The following PTPRD variants were observed in gnomAD, a reference collection of about 807,000 sequenced individuals.
PTPRD encodes the protein protein tyrosine phosphatase receptor type D, also known as receptor-type tyrosine-protein phosphatase delta.
Under a neutral mutation model 214.5 loss-of-function variants are expected in PTPRD, and 34 were observed. That is an observed-to-expected ratio of 0.16 (90% confidence interval 0.12 to 0.21). The LOEUF (loss-of-function observed/expected upper bound fraction) is 0.21. Among genes scored for constraint, PTPRD ranks in the 10% least tolerant of loss-of-function variants. The pLI is 1.00. For missense variants in PTPRD, 2,545 were observed against 2,398.7 expected (o/e 1.06, Z -1.27); for synonymous variants, 1,128 against 845.7 (o/e 1.33, Z -5.79).
chr9:10,388,913 T>C (rs992277809), intron 2 of PTPRD, among the ~76,000 whole-genome samples: 3 of 151,748 alleles, frequency 2.0e-5, no homozygotes, highest in Admixed American at 1.3e-4. Context: ...GTATTATCCA[T>C]AGGAAAAAAG....
chr9:9,671,495 G>A lies in PTPRD; in HGVS notation c.-287+63038C>T, dbSNP rs1025406700. 4.6e-5 allele frequency among the ~76,000 whole-genome samples: 7 copies of A among 152,092 alleles called. 1 individual carries two copies. The highest frequency in any genetic ancestry group is 4.6e-4 in the Admixed American group (7 of 15,258). ...AGGCATAATTGGTTTTGAAATGTGAGGACTGAGATTTGGAGGGGCCAGGGG... is the reference window on the plus strand; with the variant it reads ...AGGCATAATTGGTTTTGAAATGTGAAGACTGAGATTTGGAGGGGCCAGGGG... On this transcript the variant is annotated intron_variant, in intron 7 of 45. Coordinates refer to ENST00000381196, the MANE Select transcript of PTPRD (RefSeq NM_002839.4).
chr9:9,846,486 G>A (rs2059555956), intron 5 of PTPRD, among the ~76,000 whole-genome samples: 2 of 152,104 alleles, frequency 1.3e-5, no homozygotes, highest in African/African-American at 2.4e-5. Flanking sequence ...TGTAAATCAA[G>A]TTATTATAAA....
chr9:8,494,529 A>G (rs1167410311), intron 26 of PTPRD, among the ~76,000 whole-genome samples: 1 of 152,214 alleles, frequency 6.6e-6, no homozygotes, highest in Non-Finnish European at 1.5e-5. Context: ...TGCCAACATT[A>G]TGGTTTCCAA....
At chr9:10,156,329 G>A (rs1344323667) in intron 3 of PTPRD, among the ~76,000 whole-genome samples, 1 of 152,072 alleles carries the variant, frequency 6.6e-6, no homozygotes, top group Admixed American at 6.6e-5. Flanking sequence ...ATTCTGGTGT[G>A]TTGTATCTTT....
chr9:9,517,043 TATC>T, intron 8 of PTPRD, among the ~76,000 whole-genome samples: 1 of 152,088 alleles, frequency 6.6e-6, no homozygotes, highest in African/African-American at 2.4e-5. Flanking sequence ...AATGAAACCA[TATC>T]AAATGAGGAG....
chr9:9,307,039 T>G (rs1215994599), intron 9 of PTPRD, among the ~76,000 whole-genome samples: 1 of 152,190 alleles, frequency 6.6e-6, no homozygotes, highest in Non-Finnish European at 1.5e-5. Context: ...GTTCAGCAAT[T>G]ACATGTGAAT....
At chr9:10,253,824 C>T (rs1318748015) in intron 3 of PTPRD, among the ~76,000 whole-genome samples, 3 of 152,172 alleles carry the variant, frequency 2.0e-5, no homozygotes, top group African/African-American at 7.2e-5. Context: ...TGCTTTTATT[C>T]ATTGGCTATA....
intron 11 of PTPRD, among the ~76,000 whole-genome samples, chr9:8,844,434 T>C (rs1397258341): frequency 6.6e-6 from 1 of 152,134 alleles, no homozygotes; most frequent in Non-Finnish European, 1.5e-5. Context: ...ATATTTTTTA[T>C]TTAATATGAA....
At chr9:9,836,503 G>A (rs938649443) in intron 5 of PTPRD, among the ~76,000 whole-genome samples, 26 of 152,050 alleles carry the variant, frequency 1.7e-4, no homozygotes, top group African/African-American at 5.8e-4. Context: ...ACTGATAAAT[G>A]CCAAATTTGC....
intron 8 of PTPRD, among the ~76,000 whole-genome samples, chr9:9,427,959 T>C (rs1345901649): frequency 6.6e-6 from 1 of 152,104 alleles, no homozygotes; most frequent in African/African-American, 2.4e-5. Context: ...TGCAAAGACA[T>C]GCCGAATTGT....
chr9:10,052,415 A>G (rs2097550404), intron 3 of PTPRD, among the ~76,000 whole-genome samples: 1 of 152,150 alleles, frequency 6.6e-6, no homozygotes, highest in South Asian at 2.1e-4. Context: ...GTCATTCCCC[A>G]CCTTCAAATC....
At chr9:8,562,493 G>A (rs995665653) in intron 14 of PTPRD, among the ~76,000 whole-genome samples, 2 of 151,938 alleles carry the variant, frequency 1.3e-5, no homozygotes, top group Non-Finnish European at 2.9e-5. Context: ...CTGGTGTGCA[G>A]TGGTGCAATC....
At chr9:10,003,269 G>A (rs2096379326) in intron 4 of PTPRD, among the ~76,000 whole-genome samples, 1 of 151,652 alleles carries the variant, frequency 6.6e-6, no homozygotes, top group African/African-American at 2.4e-5. Flanking sequence ...TGAGGAATGA[G>A]GAAGTGAGAT....
At chr9:9,676,009 T>TA (rs1022048874) in intron 7 of PTPRD, among the ~76,000 whole-genome samples, 7 of 152,064 alleles carry the variant, frequency 4.6e-5, no homozygotes, top group African/African-American at 1.4e-4. Flanking sequence ...TCTGTAGCAC[T>TA]AAAAAAATAC....
chr9:10,360,534 G>C (rs2097359855), intron 2 of PTPRD, among the ~76,000 whole-genome samples: 1 of 152,200 alleles, frequency 6.6e-6, no homozygotes, highest in African/African-American at 2.4e-5. Flanking sequence ...AGGACATAGA[G>C]TTGTCAGAGA....
At chr9:9,922,633 T>G (rs1450385499) in intron 5 of PTPRD, among the ~76,000 whole-genome samples, 1 of 152,032 alleles carries the variant, frequency 6.6e-6, no homozygotes, top group African/African-American at 2.4e-5. Context: ...AAACAGTATG[T>G]GTTGTACTAA....
chr9:10,341,561 T>G (rs1217309200), intron 2 of PTPRD, among the ~76,000 whole-genome samples: 1 of 151,954 alleles, frequency 6.6e-6, no homozygotes, highest in Non-Finnish European at 1.5e-5. Context: ...TTGTTAAGCA[T>G]GTGTCAAGAT....
At chr9:10,507,729 G>A (rs1589693787) in intron 2 of PTPRD, among the ~76,000 whole-genome samples, 1 of 152,130 alleles carries the variant, frequency 6.6e-6, no homozygotes, top group Admixed American at 6.6e-5. Context: ...ATGGTGCTGG[G>A]AAAACTGGCT....
At chr9:9,338,771 C>T (rs1171183052) in intron 9 of PTPRD, among the ~76,000 whole-genome samples, 2 of 152,120 alleles carry the variant, frequency 1.3e-5, no homozygotes, top group African/African-American at 4.8e-5. Flanking sequence ...TATACACATG[C>T]CATGGTGGCT....
Sources: allele counts gnomAD v4.1 joint callset (sites outside exome capture counted in the v4.1 genomes callset), GRCh38; gene constraint gnomAD v4.1.1; transcripts MANE v1.5; gene names NCBI Gene and HGNC (gene_info 2026-07-23, HGNC 2026-07-21).